The following ABCA13 variants were observed in gnomAD, a reference collection of about 807,000 sequenced individuals.
The protein encoded by ABCA13 is ATP binding cassette subfamily A member 13.
A neutral mutation model predicts 478.7 loss-of-function variants in ABCA13; 476 were observed. The observed-to-expected ratio is 0.99, with a 90% CI of 0.92 to 1.07. The LOEUF (loss-of-function observed/expected upper bound fraction) is 1.07. ABCA13 is among the 50% of genes least tolerant of loss of function. ABCA13 has a pLI of 0.00. For synonymous variants in ABCA13, 2,252 were observed against 2,158.9 expected, an observed-to-expected ratio of 1.04 and a Z score of -1.20; for missense variants, 6,060 against 5,910.6, an observed-to-expected ratio of 1.03 and a Z score of -0.83.
intron 38 of ABCA13, among the ~76,000 whole-genome samples, chr7:48,400,429 C>A (rs1422741138): frequency 6.6e-6 from 1 of 152,194 alleles, no homozygotes; most frequent in Admixed American, 6.5e-5. Flanking sequence ...CCTTTCCCTG[C>A]TGCCTAGCAA....
At chr7:48,545,172 C>G (rs552123714) in intron 55 of ABCA13, among the ~76,000 whole-genome samples, 10 of 151,942 alleles carry the variant, frequency 6.6e-5, no homozygotes, top group African/African-American at 2.4e-4. Context: ...AGAGCTATGA[C>G]TGCAGCTCTG....
chr7:48,352,294 G>A lies in ABCA13; in HGVS notation c.10495G>A (p.Asp3499Asn). The A allele has an allele frequency of 6.2e-7, 1 of 1,613,868 alleles. No individual in the cohort carries two copies. Among genetic ancestry groups the A allele is most frequent in the Non-Finnish European group, 8.5e-7 (1 of 1,179,884 alleles). ...RTNVLYSVRT[D>N]VVKNPSWKFH... ...CAATGTGTTATACAGCGTGCGAACA[G>A]ATGTGGTAAAAAACCCTTCTTGGAA... Residue 3499 changes from aspartate to asparagine, a missense_variant, in exon 31 of 62, where the codon GAT (aspartate) becomes AAT (asparagine). Coordinates refer to ENST00000435803, the MANE Select transcript of ABCA13 (RefSeq NM_152701.5).
At chr7:48,624,121 G>C (rs1793438420) in intron 59 of ABCA13, among the ~76,000 whole-genome samples, 1 of 151,238 alleles carries the variant, frequency 6.6e-6, no homozygotes, top group South Asian at 2.1e-4. Flanking sequence ...TAACAGAGGA[G>C]AGCTGGAGTG....
intron 51 of ABCA13, among the ~76,000 whole-genome samples, chr7:48,511,417 G>T (rs1484295292): frequency 1.3e-5 from 2 of 152,132 alleles, no homozygotes; most frequent in Non-Finnish European, 2.9e-5. Context: ...AGACAGCACT[G>T]CCCTGTCTCA....
intron 59 of ABCA13, among the ~76,000 whole-genome samples, chr7:48,637,450 A>AGCTCTCTTG (rs1338590977): frequency 6.7e-6 from 1 of 149,754 alleles, no homozygotes; most frequent in Non-Finnish European, 1.5e-5. Context: ...TGACTACTTT[A>AGCTCTCTTG]GCTCTCTTGG....
chr7:48,460,066 C>T (rs989840642), intron 43 of ABCA13, among the ~76,000 whole-genome samples: 2 of 152,044 alleles, frequency 1.3e-5, no homozygotes, highest in Non-Finnish European at 2.9e-5. Flanking sequence ...AACTAGGAGA[C>T]CTAGAAAAAG....
chr7:48,520,420 CG>C, intron 53 of ABCA13, 126 bp downstream of exon 53: 1 of 1,086,952 alleles, frequency 9.2e-7, no homozygotes, highest in Non-Finnish European at 1.2e-6. Context: ...AGTTCTAATG[CG>C]TTAAGATTTT....
chr7:48,618,089 C>G (rs1369243732), intron 59 of ABCA13, among the ~76,000 whole-genome samples: 1 of 152,156 alleles, frequency 6.6e-6, no homozygotes, highest in Non-Finnish European at 1.5e-5. Context: ...CACCTGGGCT[C>G]CCTGAGTTCA....
intron 35 of ABCA13, among the ~76,000 whole-genome samples, chr7:48,382,357 T>C (rs758660188): frequency 4.7e-4 from 71 of 152,148 alleles, no homozygotes; most frequent in Non-Finnish European, 8.8e-4. Flanking sequence ...AGAGAATAAA[T>C]AATATCCTCA....
Position 48,646,696 on chromosome 7 carries a change from T to C in ABCA13, c.*1184T>C, listed in dbSNP as rs1005641518. On this transcript the variant is annotated 3_prime_UTR_variant, in exon 62 of 62. Transcript: ENST00000435803. ...CGCCACACCCGGCTAATTTTTAGTA[T>C]TTTTAGTAGAGACGGGGTTTCACCG... is the stretch of plus-strand genomic sequence containing the variant. The C allele has an allele frequency of 6.6e-6, 1 of 152,206 alleles. No homozygotes were observed. Among genetic ancestry groups the C allele is most frequent in the African/African-American group, 2.4e-5 (1 of 41,436 alleles). 9.4% of individuals were successfully genotyped at this position (152,206 alleles called of 1,614,324 possible).
chr7:48,467,116 T>C, intron 44 of ABCA13, 71 bp downstream of exon 44: 2 of 1,387,482 alleles, frequency 1.4e-6, no homozygotes, highest in South Asian at 2.3e-5. Context: ...GAGGACTGTT[T>C]TTCTTCATGA....
chr7:48,537,368 A>G (rs1400475333), intron 55 of ABCA13, among the ~76,000 whole-genome samples: 4 of 152,204 alleles, frequency 2.6e-5, no homozygotes, highest in African/African-American at 9.7e-5. Flanking sequence ...TTATTCTCTA[A>G]ATGATGTTAG....
At chr7:48,175,232 A>G (rs1406531464) in intron 1 of ABCA13, among the ~76,000 whole-genome samples, 2 of 152,038 alleles carry the variant, frequency 1.3e-5, no homozygotes, top group African/African-American at 4.8e-5. Context: ...ATTTCTTTTA[A>G]TTTTAATTTT....
chr7:48,434,775 T>C (rs1304239436), intron 42 of ABCA13, among the ~76,000 whole-genome samples: 1 of 151,968 alleles, frequency 6.6e-6, no homozygotes, highest in Non-Finnish European at 1.5e-5. Flanking sequence ...TTTTTCTCAC[T>C]GAATGGTTTT....
chr7:48,305,400 G>T (rs1157296329), intron 23 of ABCA13, among the ~76,000 whole-genome samples: 1 of 152,146 alleles, frequency 6.6e-6, no homozygotes, highest in Non-Finnish European at 1.5e-5. Context: ...GCTCAAATGG[G>T]TCCCCAATGG....
At position 48,549,843 on chromosome 7, in the gene ABCA13, G is replaced by A. The variant is rs117405289; in HGVS notation, c.14354+21498G>A. Reference sequence around the variant, plus strand: ...ATGTTGAGCTTCTTTCATGTTTGTTGGCCAGTTGAATGTCTTCTTTTGAGA... The same window carrying A: ...ATGTTGAGCTTCTTTCATGTTTGTTAGCCAGTTGAATGTCTTCTTTTGAGA... On this transcript the variant is annotated intron_variant, in intron 55 of 61. Coordinates refer to ENST00000435803, the MANE Select transcript of ABCA13 (RefSeq NM_152701.5). Among the ~76,000 whole-genome samples the A allele has an allele frequency of 5.1e-3, 772 of 151,928 alleles. 22 individuals carry two copies. The East Asian group carries it at 0.062, about 12-fold the overall frequency.
chr7:48,245,386 TATA>T, intron 11 of ABCA13, 123 bp from the exon 12 acceptor site: 1 of 658,700 alleles, frequency 1.5e-6, no homozygotes, highest in Non-Finnish European at 2.5e-6. Context: ...GAAGAAAATG[TATA>T]ATAATAGGTC....
chr7:48,240,979 T>C lies in ABCA13; in HGVS notation c.1175T>C (p.Val392Ala). 6.2e-7 allele frequency: 1 copy of C among 1,613,846 alleles called. No individual in the cohort carries two copies. The highest frequency in any genetic ancestry group is 8.5e-7 in the Non-Finnish European group (1 of 1,179,790). Residue 392 changes from valine to alanine, a missense_variant, in exon 10 of 62, where the codon GTG (valine) becomes GCG (alanine). Coordinates refer to ENST00000435803, the MANE Select transcript of ABCA13 (RefSeq NM_152701.5). The part of the protein sequence containing the change: ...QFEEESKPWK[V>A]VEALHTALLL... ...GAAGAAGAGAGCAAGCCCTGGAAGGTGGTGGAAGCTCTGCACACTGCACTG... is the reference window on the plus strand; with the variant it reads ...GAAGAAGAGAGCAAGCCCTGGAAGGCGGTGGAAGCTCTGCACACTGCACTG...
chr7:48,576,187 C>T (rs1788159610), intron 55 of ABCA13, among the ~76,000 whole-genome samples: 1 of 151,698 alleles, frequency 6.6e-6, no homozygotes, highest in Non-Finnish European at 1.5e-5. Context: ...AAAGGGAGTC[C>T]TAGACCCACC....
Sources: gnomAD v4.1 joint callset for allele counts (sites outside exome capture counted in the v4.1 genomes callset) on GRCh38, gnomAD v4.1.1 for gene constraint, MANE v1.5 for transcripts, NCBI Gene and HGNC (gene_info 2026-07-23, HGNC 2026-07-21) for gene names.